The following CNTN4 variants were observed in gnomAD, a reference collection of about 807,000 sequenced individuals.
CNTN4 encodes the protein contactin-4.
A neutral mutation model predicts 122.5 loss-of-function variants in CNTN4; 77 were observed. That is an observed-to-expected ratio of 0.63 (90% CI 0.52 to 0.76). The LOEUF (loss-of-function observed/expected upper bound fraction) is 0.76. Ranked by LOEUF, CNTN4 falls within the 30% of genes least tolerant of loss-of-function variation. The pLI, the probability that CNTN4 is intolerant of heterozygous loss-of-function variation, is 0.00. For missense variants in CNTN4, 1,256 were observed against 1,259.1 expected (o/e 1.00, Z 0.04); for synonymous variants, 512 against 447.0 (o/e 1.15, Z -1.83).
chr3:2,648,679 A>G (rs1489288100), intron 4 of CNTN4, among the ~76,000 whole-genome samples: 2 of 151,930 alleles, frequency 1.3e-5, no homozygotes, highest in Non-Finnish European at 2.9e-5. Flanking sequence ...CCAATTACTA[A>G]CCCCACCGTG....
intron 2 of CNTN4, among the ~76,000 whole-genome samples, chr3:2,108,898 C>G (rs1224749170): frequency 1.3e-5 from 2 of 152,034 alleles, no homozygotes; most frequent in African/African-American, 2.4e-5. Flanking sequence ...TGTTGTTATT[C>G]ACTTTTAAGT....
At chr3:2,767,338 C>G (rs1039912779) in intron 6 of CNTN4, among the ~76,000 whole-genome samples, 1 of 152,118 alleles carries the variant, frequency 6.6e-6, no homozygotes, top group Non-Finnish European at 1.5e-5. Flanking sequence ...TGAGTGCACC[C>G]TTTTGATCAG....
intron 4 of CNTN4, among the ~76,000 whole-genome samples, chr3:2,615,587 A>G (rs948105049): frequency 3.9e-5 from 6 of 152,228 alleles, no homozygotes; most frequent in African/African-American, 1.4e-4. Flanking sequence ...CTCTAAAAAA[A>G]AACTTAGAGG....
chr3:2,961,091 G>A (rs1465159089), intron 13 of CNTN4, among the ~76,000 whole-genome samples: 3 of 143,940 alleles, frequency 2.1e-5, no homozygotes, highest in Admixed American at 7.1e-5. Flanking sequence ...TTAGCCGGGC[G>A]TGGTGATGGG....
At chr3:2,394,795 T>TTTG (rs2046579240) in intron 3 of CNTN4, among the ~76,000 whole-genome samples, 1 of 146,926 alleles carries the variant, frequency 6.8e-6, no homozygotes, top group South Asian at 2.2e-4. Flanking sequence ...TTTTTTTTTT[T>TTTG]TTTTTTTTTT....
intron 3 of CNTN4, among the ~76,000 whole-genome samples, chr3:2,567,288 G>A (rs976282306): frequency 4.6e-5 from 7 of 151,874 alleles, no homozygotes; most frequent in South Asian, 2.1e-4. Flanking sequence ...GGGTTTTGCC[G>A]TGTTAGCCAG....
intron 3 of CNTN4, among the ~76,000 whole-genome samples, chr3:2,523,331 C>T (rs1260455432): frequency 9.0e-6 from 1 of 111,018 alleles, no homozygotes; most frequent in Non-Finnish European, 1.8e-5. Flanking sequence ...CTAGTGGTGA[C>T]AAATCTCAGG....
chr3:2,400,451 C>CATA (rs1559520108), intron 3 of CNTN4, among the ~76,000 whole-genome samples: 2 of 107,984 alleles, frequency 1.9e-5, no homozygotes, highest in Non-Finnish European at 4.0e-5. Context: ...ATATATATAT[C>CATA]TCTTTTTTTC....
chr3:2,618,666 G>A (rs2081874929), intron 4 of CNTN4, among the ~76,000 whole-genome samples: 2 of 152,152 alleles, frequency 1.3e-5, no homozygotes, highest in Non-Finnish European at 2.9e-5. Flanking sequence ...AGGCTCTGGA[G>A]TCATTGCTCT....
At chr3:2,895,047 T>G (rs2102026) in intron 10 of CNTN4, among the ~76,000 whole-genome samples, 49,772 of 152,022 alleles carry the variant, frequency 0.33, 8,975 homozygotes, top group East Asian at 0.62. Flanking sequence ...TCCCCCATGC[T>G]GGAGTACAGT....
chr3:3,022,821 A>T (rs1231259024), intron 14 of CNTN4, among the ~76,000 whole-genome samples: 1 of 152,204 alleles, frequency 6.6e-6, no homozygotes, highest in East Asian at 1.9e-4. Context: ...CATTCTACAC[A>T]GTATGAACCA....
intron 13 of CNTN4, among the ~76,000 whole-genome samples, chr3:2,957,440 T>C (rs1379769630): frequency 6.6e-6 from 1 of 152,160 alleles, no homozygotes; most frequent in Non-Finnish European, 1.5e-5. Flanking sequence ...GTCTTCTTTT[T>C]TTATTTCAAC....
At chr3:2,567,366 ATGAGCCACCG>A (rs141888842) in intron 3 of CNTN4, among the ~76,000 whole-genome samples, 21,960 of 151,616 alleles carry the variant, frequency 0.14, 1,948 homozygotes, top group African/African-American at 0.24. Flanking sequence ...GATTACAGGC[ATGAGCCACCG>A]TGCCTGGCCT....
chr3:2,618,922 A>G (rs2081885805), intron 4 of CNTN4, among the ~76,000 whole-genome samples: 1 of 152,186 alleles, frequency 6.6e-6, no homozygotes, highest in Non-Finnish European at 1.5e-5. Flanking sequence ...GAAGTGATAG[A>G]TCTTCCAACA....
At chr3:2,155,112 A>G (rs1299488039) in intron 2 of CNTN4, among the ~76,000 whole-genome samples, 2 of 152,248 alleles carry the variant, frequency 1.3e-5, no homozygotes, top group African/African-American at 4.8e-5. Flanking sequence ...TTGTTTCCAG[A>G]AAAAGCTTGG....
chr3:2,416,118 A>AAT lies in CNTN4; in HGVS notation c.-89+76900_-89+76901dup, dbSNP rs71621488. The stretch of plus-strand genomic sequence containing the variant: ...GAGTGAACAATCTAGGGAAGCAAGA[A>AAT]ATATATATATATATATGACAATGGT... On this transcript the variant is annotated intron_variant, in intron 3 of 24. Coordinates refer to ENST00000418658, the MANE Select transcript of CNTN4 (RefSeq NM_175607.3). Among the ~76,000 whole-genome samples, 810 of 150,540 alleles carry AAT rather than the reference A, an allele frequency of 5.4e-3. 5 individuals carry two copies. Among genetic ancestry groups the AAT allele is most frequent in the African/African-American group, 0.012 (511 of 41,082 alleles).
At chr3:2,843,775 A>G (rs2093406056) in intron 7 of CNTN4, among the ~76,000 whole-genome samples, 1 of 152,200 alleles carries the variant, frequency 6.6e-6, no homozygotes, top group Non-Finnish European at 1.5e-5. Flanking sequence ...TTTCCTGTAC[A>G]GTTTGCAGAA....
intron 3 of CNTN4, among the ~76,000 whole-genome samples, chr3:2,457,631 G>T (rs1042015373): frequency 6.6e-6 from 1 of 152,084 alleles, no homozygotes; most frequent in African/African-American, 2.4e-5. Context: ...TCATTCAGCA[G>T]GTGTATAACA....
chr3:2,627,034 T>C (rs1455774022), intron 4 of CNTN4, among the ~76,000 whole-genome samples: 14 of 152,220 alleles, frequency 9.2e-5, no homozygotes, highest in Non-Finnish European at 1.2e-4. Context: ...TAATTTGATT[T>C]GTGCCTCATC....
Sources: allele counts gnomAD v4.1 joint callset (sites outside exome capture counted in the v4.1 genomes callset), GRCh38; gene constraint gnomAD v4.1.1; transcripts MANE v1.5; gene names NCBI Gene and HGNC (gene_info 2026-07-23, HGNC 2026-07-21).